Variants in GSDME observed in about 807,000 individuals in gnomAD.
The protein encoded by GSDME is gasdermin-E.
Under a neutral mutation model 47.5 loss-of-function variants are expected in GSDME, and 44 were observed. The ratio of observed to expected loss-of-function variants is 0.93; its 90% CI spans 0.73 to 1.19. The LOEUF (loss-of-function observed/expected upper bound fraction) is 1.19, where lower values mean the gene tolerates loss of function less well. Ranked by LOEUF, GSDME falls within the 50% of genes most tolerant of loss-of-function variation. GSDME has a pLI of 0.00. For missense variants in GSDME, 663 were observed against 604.2 expected, an observed-to-expected ratio of 1.10 and a Z score of -1.02; for synonymous variants, 258 against 252.8, an observed-to-expected ratio of 1.02 and a Z score of -0.20.
At chr7:24,701,523 T>C (rs1053354522) in intron 9 of GSDME, among the ~76,000 whole-genome samples, 1 of 152,214 alleles carries the variant, frequency 6.6e-6, no homozygotes, top group African/African-American at 2.4e-5. Context: ...TTTTATTTGC[T>C]TCAGTTGCAG....
chr7:24,727,715 C>T (rs1414672244), intron 3 of GSDME, among the ~76,000 whole-genome samples: 1 of 152,220 alleles, frequency 6.6e-6, no homozygotes, highest in African/African-American at 2.4e-5. Flanking sequence ...AACCAACCTC[C>T]TCCAGTCTAC....
At chr7:24,778,643 G>A in the GSDME span, among the ~76,000 whole-genome samples, 2 of 152,250 alleles carry the variant, frequency 1.3e-5, no homozygotes, top group East Asian at 3.9e-4. This position sits in a 1 kb window ranked among gnomAD's most constrained non-coding sequence, Gnocchi z 5.6. Context: ...TGGGGCATGA[G>A]ACAGCTGCTC....
rs113219163 is a variant in GSDME at position 24,726,774 on chromosome 7, C to G, written c.405-7556G>C. Among the ~76,000 whole-genome samples the G allele has an allele frequency of 6.6e-6, 1 of 150,872 alleles. No individual in the cohort carries two copies. The highest frequency in any genetic ancestry group is 2.4e-5 in the African/African-American group (1 of 40,926). The stretch of plus-strand genomic sequence containing the variant: ...GTGAGCCGAGATCGCCCACTGCACT[C>G]CAGCCCGGGGGACAGAGCGAGACTC... On this transcript the variant is annotated intron_variant, in intron 3 of 9. Coordinates refer to ENST00000645220, the MANE Select transcript of GSDME (RefSeq NM_001127453.2). This position sits in a 1 kb window ranked among gnomAD's most constrained non-coding sequence, Gnocchi z 5.6.
intron 4 of GSDME, among the ~76,000 whole-genome samples, chr7:24,718,430 T>C (rs1411351290): frequency 6.6e-6 from 1 of 152,220 alleles, no homozygotes; most frequent in Non-Finnish European, 1.5e-5. Context: ...GAAGAATCTA[T>C]GTAGAGATAG....
intron 4 of GSDME, among the ~76,000 whole-genome samples, chr7:24,718,794 G>A (rs1464107125): frequency 7.2e-6 from 1 of 138,752 alleles, no homozygotes; most frequent in Admixed American, 7.3e-5. Flanking sequence ...ATCTGAGAGG[G>A]CATCAACCCA....
Position 24,728,104 on chromosome 7 carries a change from T to C in GSDME, c.405-8886A>G, listed in dbSNP as rs1012532515. 4.6e-5 allele frequency among the ~76,000 whole-genome samples: 7 copies of C among 152,342 alleles called. No homozygotes were observed. Among genetic ancestry groups the C allele is most frequent in the African/African-American group, 1.7e-4 (7 of 41,576 alleles). The stretch of plus-strand genomic sequence containing the variant: ...TCGGCCATTCTTGGTCACTCCGTTT[T>C]TCTTATCAGGAATCGGGGGCAATTC... On this transcript the variant is annotated intron_variant, in intron 3 of 9. Transcript: ENST00000645220. The surrounding 1 kb of genome is among the most constrained non-coding windows in gnomAD (Gnocchi z 7.2).
At position 24,712,881 on chromosome 7, in the gene GSDME, A is replaced by G. The variant is rs1789409249; in HGVS notation, c.698-2493T>C. On this transcript the variant is annotated intron_variant, in intron 5 of 9. Transcript: ENST00000645220. The surrounding 1 kb of genome is among the most constrained non-coding windows in gnomAD (Gnocchi z 4.4). Reference sequence around the variant, plus strand: ...TAAAAATACAAAATTAGCCGGGCATAGTGGTGCACACCTGTAATCCCAGTT... The same window carrying G: ...TAAAAATACAAAATTAGCCGGGCATGGTGGTGCACACCTGTAATCCCAGTT... Among the ~76,000 whole-genome samples the G allele has an allele frequency of 1.3e-5, 2 of 152,072 alleles. No individual in the cohort carries two copies. The highest frequency in any genetic ancestry group is 6.6e-5 in the Admixed American group (1 of 15,266).
chr7:24,699,145 T>A lies in GSDME; in HGVS notation c.1372A>T (p.Ser458Cys), dbSNP rs766330943. 16 of 1,614,172 alleles carry A rather than the reference T, an allele frequency of 9.9e-6. No homozygotes were observed. The highest frequency in any genetic ancestry group is 1.4e-5 in the Non-Finnish European group (16 of 1,180,006). ...VQRLFASADI[S>C]LERLKSSVKA... ...ACAGATGACTTCAGTCTCTCCAGAC[T>A]AATGTCAGCTGAGGCAAACAAGCGC... Residue 458 changes from serine to cysteine, a missense_variant, in exon 10 of 10, where the codon AGT becomes TGT. Coordinates refer to ENST00000645220, the MANE Select transcript of GSDME (RefSeq NM_001127453.2).
At chr7:24,746,463 TGTAAG>T (rs3831523) in intron 2 of GSDME, among the ~76,000 whole-genome samples, 20,189 of 152,128 alleles carry the variant, frequency 0.13, 1,406 homozygotes, top group Middle Eastern at 0.2. Context: ...ATGGAAAGCA[TGTAAG>T]GTAGAGTCTC....
intron 6 of GSDME, among the ~76,000 whole-genome samples, chr7:24,709,096 A>C (rs1562690306): frequency 1.3e-5 from 2 of 152,228 alleles, no homozygotes; most frequent in African/African-American, 2.4e-5. Flanking sequence ...GGAACACAGA[A>C]CATCAGTAAC....
At position 24,710,609 on chromosome 7, in the gene GSDME, A is replaced by G; in HGVS notation, c.698-221T>C. ...CAAATAAGGAAATGGCTGTTCTTAC[A>G]TAAAGCTCCCTAATATATATTCTCT... On this transcript the variant is annotated intron_variant, in intron 5 of 9. Coordinates refer to ENST00000645220, the MANE Select transcript of GSDME (RefSeq NM_001127453.2). 8.8e-6 allele frequency: 5 copies of G among 570,424 alleles called. No homozygotes were observed. In the South Asian group the frequency reaches 1.0e-4, roughly 12 times the overall value. The allele number at this position is 570,424 out of a possible 1,614,324, so 35.3% of individuals were successfully genotyped here. A position where few individuals can be genotyped will look rare whatever the true frequency, so the allele number is the denominator to read the frequency against.
chr7:24,784,537 G>T, the GSDME span, among the ~76,000 whole-genome samples: 2 of 151,974 alleles, frequency 1.3e-5, no homozygotes, highest in Admixed American at 1.3e-4. Flanking sequence ...TCAAGAGCTG[G>T]AAGCATCCAG....
chr7:24,701,810 G>A (rs775564980), intron 9 of GSDME, among the ~76,000 whole-genome samples: 1 of 152,208 alleles, frequency 6.6e-6, no homozygotes, highest in African/African-American at 2.4e-5. Flanking sequence ...GAATCTTTCA[G>A]TTGTGATACC....
At position 24,757,121 on chromosome 7, in the gene GSDME, A is replaced by C. The variant is rs1440425294; in HGVS notation, c.-20+275T>G. Reference sequence around the variant, plus strand: ...GCAGCGGGGACGGGGAGAGGATGGGAAGGGGATGCTGACTGCGAGTTGGGG... The same window carrying C: ...GCAGCGGGGACGGGGAGAGGATGGGCAGGGGATGCTGACTGCGAGTTGGGG... On this transcript the variant is annotated intron_variant, in intron 1 of 9. Coordinates refer to ENST00000645220, the MANE Select transcript of GSDME (RefSeq NM_001127453.2). The surrounding 1 kb of genome is among the most constrained non-coding windows in gnomAD (Gnocchi z 5.9). 2.0e-5 allele frequency among the ~76,000 whole-genome samples: 3 copies of C among 152,080 alleles called. No homozygotes were observed. Among genetic ancestry groups the C allele is most frequent in the African/African-American group, 7.2e-5 (3 of 41,420 alleles).
chr7:24,757,581 G>C (rs1042998296), upstream of GSDME: 2 of 152,268 alleles, frequency 1.3e-5, no homozygotes, highest in African/African-American at 2.4e-5. This position sits in a 1 kb window ranked among gnomAD's most constrained non-coding sequence, Gnocchi z 5.9. Context: ...TGCGGGAGGG[G>C]CCCGGGCCAG....
At chr7:24,702,088 C>A (rs1788892391) in intron 9 of GSDME, among the ~76,000 whole-genome samples, 1 of 152,216 alleles carries the variant, frequency 6.6e-6, no homozygotes, top group Non-Finnish European at 1.5e-5. Context: ...AGCTCCTCTG[C>A]CCCAGGCTGA....
chr7:24,756,492 A>G lies in GSDME; in HGVS notation c.-20+904T>C, dbSNP rs1378331593. Among the ~76,000 whole-genome samples the G allele has an allele frequency of 6.6e-6, 1 of 152,154 alleles. No individual in the cohort carries two copies. Among genetic ancestry groups the G allele is most frequent in the Non-Finnish European group, 1.5e-5 (1 of 68,020 alleles). ...CTTGGTGGTGGTAGATTGTGAAGAC[A>G]ATTAATTTCACTCTTCAGCTGCTTC... On this transcript the variant is annotated intron_variant, in intron 1 of 9. Coordinates refer to ENST00000645220, the MANE Select transcript of GSDME (RefSeq NM_001127453.2). The surrounding 1 kb of genome is among the most constrained non-coding windows in gnomAD (Gnocchi z 4.2).
At chr7:24,793,996 C>T in the GSDME span, among the ~76,000 whole-genome samples, 5 of 152,316 alleles carry the variant, frequency 3.3e-5, no homozygotes, top group South Asian at 2.1e-4. Context: ...TTTCGGGCTA[C>T]GCCCTTGTTT....
the GSDME span, among the ~76,000 whole-genome samples, chr7:24,780,347 A>G: frequency 2.6e-5 from 4 of 152,334 alleles, no homozygotes; most frequent in Admixed American, 6.5e-5. This position sits in a 1 kb window ranked among gnomAD's most constrained non-coding sequence, Gnocchi z 4.1. Flanking sequence ...GGCTGTGCAA[A>G]TCTCTCTCCA....
Sources: allele counts gnomAD v4.1 joint callset (sites outside exome capture counted in the v4.1 genomes callset), GRCh38; gene constraint gnomAD v4.1.1; non-coding constraint Gnocchi (gnomAD v3.1); transcripts MANE v1.5; gene names NCBI Gene and HGNC (gene_info 2026-07-23, HGNC 2026-07-21).